SRGAP3: variants seen among roughly 807,000 people sequenced by gnomAD.
The protein encoded by SRGAP3 is SLIT-ROBO Rho GTPase activating protein 3.
A neutral mutation model predicts 121.1 loss-of-function variants in SRGAP3; 39 were observed. That is an observed-to-expected ratio of 0.32 (90% CI 0.25 to 0.42). SRGAP3 has a LOEUF of 0.42. SRGAP3 is among the 10% of genes least tolerant of loss of function. The probability of loss-of-function intolerance (pLI) is 1.00; values close to 1 mark genes in which losing one functional copy is unlikely to be tolerated. For synonymous variants in SRGAP3, 601 were observed against 570.0 expected (o/e 1.05, Z -0.77); for missense variants, 1,213 against 1,470.6 (o/e 0.82, Z 2.86).
chr3:9,263,018 T>C (rs1413103064), intron 3 of SRGAP3, among the ~76,000 whole-genome samples: 2 of 152,088 alleles, frequency 1.3e-5, no homozygotes, highest in African/African-American at 4.8e-5. Context: ...CATAACAGTC[T>C]CTCAGACCAC....
intron 11 of SRGAP3, 72 bp downstream of exon 11, chr3:9,037,991 G>A: frequency 6.2e-7 from 1 of 1,600,826 alleles, no homozygotes; most frequent in East Asian, 2.2e-5. Flanking sequence ...GCTCCTGGCA[G>A]TGCCTCCCCA....
intron 18 of SRGAP3, chr3:9,007,406 G>A (rs1051941167): frequency 2.0e-5 from 3 of 152,212 alleles, no homozygotes; most frequent in Admixed American, 6.5e-5. Flanking sequence ...GACCTTTGAG[G>A]CCTGCTGGAT....
intron 1 of SRGAP3, among the ~76,000 whole-genome samples, chr3:9,219,847 T>A (rs1218088727): frequency 6.6e-6 from 1 of 151,664 alleles, no homozygotes; most frequent in Admixed American, 6.6e-5. Flanking sequence ...TACAAAAAAA[T>A]AAAGAAAGAA....
At chr3:9,018,579 G>C (rs1943756404) in intron 14 of SRGAP3, among the ~76,000 whole-genome samples, 1 of 152,150 alleles carries the variant, frequency 6.6e-6, no homozygotes, top group African/African-American at 2.4e-5. Context: ...TTGTGGTTTT[G>C]ATTTGCATGA....
chr3:9,192,614 T>C (rs1951788034), intron 1 of SRGAP3: 1 of 152,280 alleles, frequency 6.6e-6, no homozygotes, highest in South Asian at 2.1e-4. Flanking sequence ...CTCCGACCTA[T>C]GCACCTTTTT....
At chr3:9,034,810 G>A (rs1944668245) in intron 11 of SRGAP3, 1 of 152,166 alleles carries the variant, frequency 6.6e-6, no homozygotes, top group Non-Finnish European at 1.5e-5. Flanking sequence ...AAAGGCAAAA[G>A]AGAGTGTCAA....
Position 9,285,128 on chromosome 3 carries a change from C to T in SRGAP3, n.442+40882G>A, listed in dbSNP as rs768601439. On this transcript the variant is annotated intron_variant and non_coding_transcript_variant, in intron 3 of 3. Transcript: ENST00000490889. ...ACAAAATCCACTAGAAGTTTATATG[C>T]TTTCATTGTTATCACATACTGGCAA... 4.6e-5 allele frequency among the ~76,000 whole-genome samples: 7 copies of T among 152,180 alleles called. 1 individual carries two copies. The South Asian group carries it at 6.2e-4, about 14-fold the overall frequency.
At chr3:9,128,839 C>T (rs542577810) in intron 1 of SRGAP3, among the ~76,000 whole-genome samples, 3 of 152,096 alleles carry the variant, frequency 2.0e-5, no homozygotes, top group African/African-American at 4.8e-5. Context: ...GAAGCCAGAA[C>T]GAATGAGGTT....
At chr3:9,072,188 C>T (rs1185822325) in intron 4 of SRGAP3, among the ~76,000 whole-genome samples, 1 of 152,176 alleles carries the variant, frequency 6.6e-6, no homozygotes, top group Non-Finnish European at 1.5e-5. Flanking sequence ...CCTCCAGCAT[C>T]CCGGGTGCTG....
At chr3:9,321,683 G>A (rs114905109) in intron 3 of SRGAP3, among the ~76,000 whole-genome samples, 3,143 of 151,882 alleles carry the variant, frequency 0.021, 62 homozygotes, top group African/African-American at 0.027. Context: ...ACGGGAACAC[G>A]GATGGAGCTG....
At chr3:9,351,100 G>A (rs1328977641) in intron 1 of SRGAP3, among the ~76,000 whole-genome samples, 3 of 152,026 alleles carry the variant, frequency 2.0e-5, no homozygotes, top group African/African-American at 7.2e-5. Context: ...AGCAGTCCAA[G>A]AGAGGAAAAA....
intron 1 of SRGAP3, chr3:9,217,634 G>A (rs747064022): frequency 1.3e-5 from 2 of 152,126 alleles, no homozygotes; most frequent in Non-Finnish European, 2.9e-5. Context: ...CCACACGCAG[G>A]AAATGAAGAC....
chr3:8,986,091 C>A (rs1339513725), intron 21 of SRGAP3, among the ~76,000 whole-genome samples, 159 bp from the exon 22 acceptor site: 1 of 152,050 alleles, frequency 6.6e-6, no homozygotes, highest in African/African-American at 2.4e-5. Flanking sequence ...CATGGGAGAA[C>A]CAATGTGGAT....
At chr3:9,153,328 AG>A (rs1269772314) in intron 1 of SRGAP3, among the ~76,000 whole-genome samples, 2 of 152,220 alleles carry the variant, frequency 1.3e-5, no homozygotes, top group African/African-American at 4.8e-5. Flanking sequence ...GCATTTTACA[AG>A]GATCATTTAA....
In SRGAP3 at chr3:9,155,929, C is replaced by A. The variant is rs376963590; in HGVS notation, c.68-31012G>T. On this transcript the variant is annotated intron_variant, in intron 1 of 21. Transcript: ENST00000383836. ...CTCCCGGGTTCACGCCATTCTCCTGCCTCAGCCTCCCGAGTAGCTGGGACT... is the reference window on the plus strand; with the variant it reads ...CTCCCGGGTTCACGCCATTCTCCTGACTCAGCCTCCCGAGTAGCTGGGACT... 9.8e-5 allele frequency among the ~76,000 whole-genome samples: 15 copies of A among 152,296 alleles called. No individual in the cohort carries two copies. The East Asian group carries it at 2.3e-3, about 24-fold the overall frequency.
intron 10 of SRGAP3, among the ~76,000 whole-genome samples, chr3:9,042,707 C>T (rs1169199311): frequency 6.6e-6 from 1 of 152,122 alleles, no homozygotes; most frequent in African/African-American, 2.4e-5. Flanking sequence ...CTACCAGACA[C>T]CAGTTTGGAT....
intron 3 of SRGAP3, among the ~76,000 whole-genome samples, chr3:9,269,641 G>C (rs1223254599): frequency 6.6e-6 from 1 of 152,234 alleles, no homozygotes; most frequent in Non-Finnish European, 1.5e-5. Flanking sequence ...CATGCTGTGT[G>C]GGGATGAGAG....
intron 1 of SRGAP3, among the ~76,000 whole-genome samples, chr3:9,204,355 C>T (rs1375236725): frequency 1.3e-5 from 2 of 152,180 alleles, no homozygotes. Context: ...GAAGAGAGTT[C>T]GGAGGTCACC....
At chr3:9,175,728 A>G (rs759554410) in intron 1 of SRGAP3, among the ~76,000 whole-genome samples, 2 of 152,202 alleles carry the variant, frequency 1.3e-5, no homozygotes, top group African/African-American at 2.4e-5. Context: ...TAGACCATCA[A>G]CGGAAATCAA....
Sources: gnomAD v4.1 joint callset for allele counts (sites outside exome capture counted in the v4.1 genomes callset) on GRCh38, gnomAD v4.1.1 for gene constraint, MANE v1.5 for transcripts, NCBI Gene and HGNC (gene_info 2026-07-23, HGNC 2026-07-21) for gene names.